The following DIP2B variants were observed in gnomAD, a reference collection of about 807,000 sequenced individuals.
DIP2B encodes the protein DIP2 acetate--CoA ligase B (putative).
In DIP2B, 76 loss-of-function variants were observed where a neutral mutation model predicts 198.0. The observed-to-expected ratio is 0.38, with a 90% CI of 0.32 to 0.46. The LOEUF (loss-of-function observed/expected upper bound fraction) is 0.46. DIP2B is among the 20% of genes least tolerant of loss of function. The pLI is 0.99. For missense variants in DIP2B, 1,559 were observed against 1,978.4 expected (o/e 0.79, Z 4.02); for synonymous variants, 701 against 739.1 (o/e 0.95, Z 0.84).
At chr12:50,677,585 A>G (rs1377341474) in intron 7 of DIP2B, among the ~76,000 whole-genome samples, 3 of 152,212 alleles carry the variant, frequency 2.0e-5, no homozygotes, top group African/African-American at 7.2e-5. Flanking sequence ...ACTGCACTCC[A>G]GCCTGGGCAA....
At chr12:50,607,042 A>G (rs1438523171) in intron 1 of DIP2B, among the ~76,000 whole-genome samples, 1 of 151,846 alleles carries the variant, frequency 6.6e-6, no homozygotes, top group Non-Finnish European at 1.5e-5. Flanking sequence ...CCTGGACTCA[A>G]GCAATCTGCC....
intron 1 of DIP2B, among the ~76,000 whole-genome samples, chr12:50,516,247 A>G (rs867134246): frequency 4.1e-5 from 5 of 123,140 alleles, no homozygotes; most frequent in Admixed American, 4.0e-4. Context: ...CTCTCTCTCT[A>G]TCTCTATCTC....
At chr12:50,664,146 T>C (rs1565863377) in intron 4 of DIP2B, among the ~76,000 whole-genome samples, 2 of 152,310 alleles carry the variant, frequency 1.3e-5, no homozygotes, top group East Asian at 3.9e-4. Flanking sequence ...TTTGAATTAC[T>C]GAACTGATGA....
chr12:50,511,846 G>C (rs144408889), intron 1 of DIP2B, among the ~76,000 whole-genome samples: 1 of 148,932 alleles, frequency 6.7e-6, no homozygotes, highest in South Asian at 2.1e-4. Flanking sequence ...TACTCGGGAA[G>C]CTGAGGCAGG....
At chr12:50,578,380 G>A (rs1000654569) in intron 1 of DIP2B, among the ~76,000 whole-genome samples, 6 of 151,684 alleles carry the variant, frequency 4.0e-5, no homozygotes, top group Admixed American at 3.9e-4. Flanking sequence ...AAGATTATGT[G>A]TTGGTTATTT....
intron 2 of DIP2B, among the ~76,000 whole-genome samples, chr12:50,627,427 A>G (rs1256324255): frequency 3.3e-5 from 5 of 152,130 alleles, no homozygotes; most frequent in Non-Finnish European, 7.4e-5. Flanking sequence ...TCAATCTCCC[A>G]GGTTTAAATG....
intron 13 of DIP2B, among the ~76,000 whole-genome samples, chr12:50,692,347 A>T (rs1160568428): frequency 1.3e-5 from 2 of 151,978 alleles, no homozygotes; most frequent in Admixed American, 1.3e-4. Flanking sequence ...TATATTTGTC[A>T]AACTTCCCAA....
chr12:50,666,097 A>G (rs1938747464), intron 4 of DIP2B, among the ~76,000 whole-genome samples: 1 of 152,188 alleles, frequency 6.6e-6, no homozygotes, highest in South Asian at 2.1e-4. Flanking sequence ...GGTAGGACCA[A>G]TGGTCCACAA....
In DIP2B at chr12:50,734,113, G is replaced by A. The variant is rs367776421; in HGVS notation, c.3982-22G>A. On this transcript the variant is annotated intron_variant, in intron 32 of 37. Coordinates refer to ENST00000301180, the MANE Select transcript of DIP2B (RefSeq NM_173602.3). ...ACAGTTTATCGAAATTCTAAACAAC[G>A]CATTGATTTGTCTTTCTTTAGGGAA... 23 of 1,612,752 alleles carry A rather than the reference G, an allele frequency of 1.4e-5. No individual in the cohort carries two copies. In the East Asian group the frequency reaches 3.3e-4, roughly 23 times the overall value.
chr12:50,654,457 T>G (rs1356935693), intron 3 of DIP2B, among the ~76,000 whole-genome samples: 4 of 150,682 alleles, frequency 2.7e-5, no homozygotes, highest in Non-Finnish European at 5.9e-5. Flanking sequence ...TGTGCTCAAG[T>G]GATCCTCCTG....
In DIP2B at chr12:50,600,894, T is replaced by TCACCACCAC. The variant is rs34616785; in HGVS notation, c.101-25045_101-25037dup. Among the ~76,000 whole-genome samples the TCACCACCAC allele has an allele frequency of 6.7e-3, 819 of 121,556 alleles. 17 individuals are homozygous for TCACCACCAC. Among genetic ancestry groups the TCACCACCAC allele is most frequent in the Non-Finnish European group, 8.0e-3 (470 of 58,592 alleles). 79.7% of individuals were successfully genotyped at this position (121,556 alleles called of 152,430 possible). On this transcript the variant is annotated intron_variant, in intron 1 of 37. Coordinates refer to ENST00000301180, the MANE Select transcript of DIP2B (RefSeq NM_173602.3). ...ACCACCATCACCACCATGACCACCA[T>TCACCACCAC]CACCACCACCACCACCACCACCACC...
chr12:50,719,501 A>G (rs1939793628), intron 25 of DIP2B, among the ~76,000 whole-genome samples: 2 of 152,214 alleles, frequency 1.3e-5, no homozygotes, highest in African/African-American at 2.4e-5. Flanking sequence ...AAAATTACTC[A>G]AAGAGCACAT....
In DIP2B at chr12:50,515,949, T is replaced by C. The variant is rs577967681; in HGVS notation, c.100+10709T>C. ...TACTATCTCCATCCATTTCTGCTGC[T>C]ATGACAAAATACCTTAGACTTGGTA... is the stretch of plus-strand genomic sequence containing the variant. On this transcript the variant is annotated intron_variant, in intron 1 of 37. Coordinates refer to ENST00000301180, the MANE Select transcript of DIP2B (RefSeq NM_173602.3). Among the ~76,000 whole-genome samples, 3 of 152,262 alleles carry C rather than the reference T, an allele frequency of 2.0e-5. No homozygotes were observed. The South Asian group carries it at 6.2e-4, about 32-fold the overall frequency.
At chr12:50,542,248 C>CAA (rs35430997) in intron 1 of DIP2B, among the ~76,000 whole-genome samples, 32 of 51,176 alleles carry the variant, frequency 6.3e-4, no homozygotes, top group African/African-American at 1.5e-3. Flanking sequence ...GACTCCGTCT[C>CAA]AAAAAAAAAA....
chr12:50,728,437 G>C, intron 29 of DIP2B, 111 bp from the exon 30 acceptor site: 1 of 1,255,704 alleles, frequency 8.0e-7, no homozygotes, highest in Non-Finnish European at 1.1e-6. Context: ...TAAAAATTAT[G>C]CATTGTTTTG....
intron 3 of DIP2B, among the ~76,000 whole-genome samples, chr12:50,650,386 C>T (rs1938433041): frequency 1.3e-5 from 2 of 152,196 alleles, no homozygotes; most frequent in African/African-American, 4.8e-5. Flanking sequence ...GTATTGGTAA[C>T]TGTACGCATG....
intron 12 of DIP2B, among the ~76,000 whole-genome samples, chr12:50,689,806 A>T (rs1385912128): frequency 6.6e-6 from 1 of 152,200 alleles, no homozygotes; most frequent in Non-Finnish European, 1.5e-5. Context: ...GGTGGAGAAT[A>T]TGGAGGAGCA....
chr12:50,540,724 A>G (rs1033808739), intron 1 of DIP2B, among the ~76,000 whole-genome samples: 2 of 150,444 alleles, frequency 1.3e-5, no homozygotes, highest in African/African-American at 4.9e-5. Context: ...AATTTTTTGT[A>G]TTTTTTAGTA....
At chr12:50,570,181 C>G (rs551979871) in intron 1 of DIP2B, among the ~76,000 whole-genome samples, 2 of 152,252 alleles carry the variant, frequency 1.3e-5, no homozygotes, top group East Asian at 3.9e-4. Context: ...CTTTAGATAT[C>G]CGATTTAAAA....
Sources: allele counts gnomAD v4.1 joint callset (sites outside exome capture counted in the v4.1 genomes callset), GRCh38; gene constraint gnomAD v4.1.1; transcripts MANE v1.5; gene names NCBI Gene and HGNC (gene_info 2026-07-23, HGNC 2026-07-21).